Variants in C16orf90 observed in about 807,000 individuals in gnomAD.
C16orf90 encodes the protein uncharacterized protein C16orf90.
In C16orf90, 17 loss-of-function variants were observed where a neutral mutation model predicts 17.1. The ratio of observed to expected loss-of-function variants is 1.00; its 90% CI spans 0.68 to 1.49. The LOEUF (loss-of-function observed/expected upper bound fraction) is 1.49. C16orf90 is among the 40% of genes most tolerant of loss of function. The pLI is 0.00. For missense variants in C16orf90, 255 were observed against 235.5 expected (o/e 1.08, Z -0.54); for synonymous variants, 108 against 95.8 (o/e 1.13, Z -0.75).
At chr16:3,495,494 G>T, upstream of C16orf90, 2 of 1,570,990 alleles carry the variant, frequency 1.3e-6, no homozygotes, top group East Asian at 4.6e-5. Flanking sequence ...CTGCCTAGGG[G>T]GTACATTGGC....
At chr16:3,496,391 G>T, upstream of C16orf90, 3 of 1,133,344 alleles carry the variant, frequency 2.6e-6, no homozygotes, top group Non-Finnish European at 3.9e-6. Flanking sequence ...ACCTCTGTCC[G>T]TTTCCCGGAT....
Position 3,493,784 on chromosome 16 carries a change from G to C in C16orf90, c.*55C>G, listed in dbSNP as rs1271899248. On this transcript the variant is annotated 3_prime_UTR_variant, in exon 3 of 3. Coordinates refer to ENST00000437192, the MANE Select transcript of C16orf90 (RefSeq NM_001080524.2). Reference sequence around the variant, plus strand: ...CGGGGGCCGAGCCCCTCCTGCTCAGGCTGCCTCCTCGGCCATCCTGCCCCT... The same window carrying C: ...CGGGGGCCGAGCCCCTCCTGCTCAGCCTGCCTCCTCGGCCATCCTGCCCCT... The C allele has an allele frequency of 2.6e-5, 39 of 1,524,008 alleles. No individual in the cohort carries two copies. Among genetic ancestry groups the C allele is most frequent in the Non-Finnish European group, 3.3e-5 (37 of 1,128,420 alleles). The allele number at this position is 1,524,008 out of a possible 1,614,324, so 94.4% of individuals were successfully genotyped here.
upstream of C16orf90, chr16:3,496,520 G>T (rs910872270): frequency 2.6e-5 from 15 of 580,206 alleles, no homozygotes; most frequent in African/African-American, 2.8e-4. Flanking sequence ...CGCTGCCCGT[G>T]ACCAGCCGGC....
In C16orf90 at chr16:3,494,620, C is replaced by A; in HGVS notation, c.304G>T (p.Ala102Ser). 1 of 1,612,432 alleles carries A rather than the reference C, an allele frequency of 6.2e-7. No individual in the cohort carries two copies. The highest frequency in any genetic ancestry group is 8.5e-7 in the Non-Finnish European group (1 of 1,179,770). ...CLPQPEGTAW[A>S]LDLPQGTLGP... is the part of the protein sequence containing the mutation. Reference sequence around the variant, plus strand: ...AGAGTCCCCTGTGGCAGGTCCAGGGCCCAGGCTGTGCCCTCAGGCTGTGGC... The same window carrying A: ...AGAGTCCCCTGTGGCAGGTCCAGGGACCAGGCTGTGCCCTCAGGCTGTGGC... The change falls in exon 2 of 3, where the codon GCC becomes TCC. Residue 102 changes from alanine (A) to serine (S), a missense_variant. Coordinates refer to ENST00000437192, the MANE Select transcript of C16orf90 (RefSeq NM_001080524.2).
upstream of C16orf90, chr16:3,496,265 A>C: frequency 1.4e-6 from 1 of 722,594 alleles, no homozygotes; most frequent in Non-Finnish European, 2.5e-6. Context: ...AAGAGCCAGG[A>C]TATCTAACTG....
At chr16:3,495,259 C>A in intron 1 of C16orf90, 117 bp downstream of exon 1, 1 of 1,220,508 alleles carries the variant, frequency 8.2e-7, no homozygotes, top group Non-Finnish European at 1.2e-6. Context: ...TGGCCTGGCC[C>A]AGTGGCCATT....
chr16:3,495,804 C>A (rs1257301790), upstream of C16orf90, among the ~76,000 whole-genome samples: 27 of 152,044 alleles, frequency 1.8e-4, no homozygotes, highest in Admixed American at 1.8e-3. Context: ...TAGGTCGGTA[C>A]TTTGAAAATG....
At chr16:3,496,128 G>A (rs1317355706), upstream of C16orf90, 2 of 382,470 alleles carry the variant, frequency 5.2e-6, no homozygotes, top group Non-Finnish European at 5.0e-6. Context: ...GCTGCAGAGC[G>A]AGACTCCGTC....
chr16:3,496,410 A>T (rs570904852), upstream of C16orf90: 17 of 1,047,610 alleles, frequency 1.6e-5, no homozygotes, highest in Admixed American at 2.0e-4. Flanking sequence ...ATGATCCGGA[A>T]GATGAAGCTT....
intron 2 of C16orf90, among the ~76,000 whole-genome samples, chr16:3,494,226 G>C (rs147495143): frequency 1.3e-5 from 2 of 152,282 alleles, no homozygotes; most frequent in East Asian, 3.9e-4. Context: ...AGAAAACTGA[G>C]GCCCAGCAAG....
At chr16:3,495,907 G>A (rs528475207), upstream of C16orf90, among the ~76,000 whole-genome samples, 5 of 152,302 alleles carry the variant, frequency 3.3e-5, no homozygotes, top group African/African-American at 4.8e-5. Context: ...GTGGGAGGCC[G>A]GGGTGGGCGG....
Position 3,495,275 on chromosome 16 carries a change from C to G in C16orf90, c.46+101G>C, listed in dbSNP as rs2037292088. ...GGCCTGGCCCAGTGGCCATTCCCCT[C>G]TCCCAAGCATACATGTCCCTGAGGC... On this transcript the variant is annotated intron_variant, in intron 1 of 2. Coordinates refer to ENST00000437192, the MANE Select transcript of C16orf90 (RefSeq NM_001080524.2). The G allele has an allele frequency of 2.9e-6, 4 of 1,387,804 alleles. No individual in the cohort carries two copies. In the South Asian group the frequency reaches 3.7e-5, roughly 13 times the overall value. The allele number at this position is 1,387,804 out of a possible 1,614,324, so 86.0% of individuals were successfully genotyped here.
Position 3,494,867 on chromosome 16 carries a change from G to C in C16orf90, c.57C>G (p.Ser19Arg). The C allele has an allele frequency of 4.0e-6, 6 of 1,518,926 alleles. No individual in the cohort carries two copies. Among genetic ancestry groups the C allele is most frequent in the Non-Finnish European group, 5.3e-6 (6 of 1,140,026 alleles). The allele number at this position is 1,518,926 out of a possible 1,614,324, so 94.1% of individuals were successfully genotyped here. Residue 19 changes from serine (S) to arginine (R), a missense_variant, in exon 2 of 3, where the codon AGC becomes AGG. Transcript: ENST00000437192. ...GGTGGCCGGGGCGTCCTTGGGCCTG[G>C]CTCACTGCATCTGCAGAGGAGACAG... Reference protein sequence around the residue: ...SELHIREDAVSQAQGRPGHPD... With the variant: ...SELHIREDAVRQAQGRPGHPD...
At chr16:3,496,221 CAAG>C (rs1877322235), upstream of C16orf90, 2 of 598,774 alleles carry the variant, frequency 3.3e-6, no homozygotes, top group Non-Finnish European at 6.5e-6. Flanking sequence ...ACGTCCGCCA[CAAG>C]AAGGACCTAA....
upstream of C16orf90, chr16:3,495,548 C>T (rs762872866): frequency 2.0e-6 from 3 of 1,504,534 alleles, no homozygotes; most frequent in Non-Finnish European, 1.8e-6. Flanking sequence ...ACGGGGAAGA[C>T]TCCCAGCCTT....
rs1000452259 is a variant in C16orf90 at position 3,493,770 on chromosome 16, C to T, written c.*69G>A. 5.7e-5 allele frequency: 85 copies of T among 1,482,860 alleles called. No homozygotes were observed. The Admixed American group carries it at 1.7e-3, about 29-fold the overall frequency. 91.9% of individuals were successfully genotyped at this position (1,482,860 alleles called of 1,614,324 possible). A position where few individuals can be genotyped will look rare whatever the true frequency, so the allele number is the denominator to read the frequency against. On this transcript the variant is annotated 3_prime_UTR_variant, in exon 3 of 3. Transcript: ENST00000437192. ...GGCAGGGCCACTGCCGGGGGCCGAGCCCCTCCTGCTCAGGCTGCCTCCTCG... is the reference window on the plus strand; with the variant it reads ...GGCAGGGCCACTGCCGGGGGCCGAGTCCCTCCTGCTCAGGCTGCCTCCTCG...
In C16orf90 at chr16:3,495,484, CT is replaced by C. The variant is rs1567414968; in HGVS notation, c.-64del. The C allele has an allele frequency of 6.3e-7, 1 of 1,581,590 alleles. No individual in the cohort carries two copies. Among genetic ancestry groups the C allele is most frequent in the Admixed American group, 1.8e-5 (1 of 55,906 alleles). ...GGGTGCAGCAGGGCCCTGCTCTCCC[CT>C]GCCTAGGGGGTACATTGGCAGGTCT... is the stretch of plus-strand genomic sequence containing the variant. On this transcript the variant is annotated 5_prime_UTR_variant, in exon 1 of 3. Transcript: ENST00000437192.
Position 3,493,765 on chromosome 16 carries a change from C to T in C16orf90, c.*74G>A. On this transcript the variant is annotated 3_prime_UTR_variant, in exon 3 of 3. Coordinates refer to ENST00000437192, the MANE Select transcript of C16orf90 (RefSeq NM_001080524.2). ...CATGTGGCAGGGCCACTGCCGGGGG[C>T]CGAGCCCCTCCTGCTCAGGCTGCCT... 1 of 1,466,814 alleles carries T rather than the reference C, an allele frequency of 6.8e-7. No individual in the cohort carries two copies. The highest frequency in any genetic ancestry group is 9.2e-7 in the Non-Finnish European group (1 of 1,089,286). The allele number at this position is 1,466,814 out of a possible 1,614,324, so 90.9% of individuals were successfully genotyped here.
upstream of C16orf90, chr16:3,495,646 A>C (rs1355345989): frequency 2.0e-6 from 1 of 508,690 alleles, no homozygotes; most frequent in African/African-American, 2.1e-5. Flanking sequence ...CCCTGGGGGA[A>C]GTCCCTGGTC....
Sources: allele counts gnomAD v4.1 joint callset (sites outside exome capture counted in the v4.1 genomes callset), GRCh38; gene constraint gnomAD v4.1.1; transcripts MANE v1.5; gene names NCBI Gene and HGNC (gene_info 2026-07-23, HGNC 2026-07-21).